KCTD16: variants seen among roughly 807,000 people sequenced by gnomAD.
KCTD16 encodes the protein potassium channel tetramerization domain containing 16, also known as BTB/POZ domain-containing protein KCTD16.
A neutral mutation model predicts 33.2 loss-of-function variants in KCTD16; 13 were observed. The observed-to-expected ratio is 0.39, with a 90% CI of 0.25 to 0.62. The LOEUF (loss-of-function observed/expected upper bound fraction) is 0.62. Among genes scored for constraint, KCTD16 ranks in the 20% least tolerant of loss-of-function variants. The probability of loss-of-function intolerance (pLI) is 0.50; values close to 1 mark genes in which losing one functional copy is unlikely to be tolerated. For missense variants in KCTD16, 441 were observed against 525.1 expected (o/e 0.84, Z 1.57); for synonymous variants, 197 against 195.3 (o/e 1.01, Z -0.07).
intron 3 of KCTD16, among the ~76,000 whole-genome samples, chr5:144,390,549 T>C (rs1291342996): frequency 6.6e-6 from 1 of 152,150 alleles, no homozygotes; most frequent in Non-Finnish European, 1.5e-5. Context: ...TTATTATCCT[T>C]TAAGTTCTGG....
chr5:144,348,957 G>T (rs1489044583), intron 3 of KCTD16, among the ~76,000 whole-genome samples: 2 of 152,090 alleles, frequency 1.3e-5, no homozygotes, highest in South Asian at 2.1e-4. Context: ...AAGAAATCCT[G>T]TGGGAAAGGC....
chr5:144,449,858 T>C (rs565276190), intron 3 of KCTD16, among the ~76,000 whole-genome samples: 17 of 152,068 alleles, frequency 1.1e-4, no homozygotes, highest in Non-Finnish European at 2.2e-4. Flanking sequence ...TAAGGAGATA[T>C]AGGGGAAAAG....
chr5:144,295,305 C>G (rs1246374374), intron 3 of KCTD16, among the ~76,000 whole-genome samples: 1 of 152,140 alleles, frequency 6.6e-6, no homozygotes, highest in Non-Finnish European at 1.5e-5. Context: ...ATATGTAAAG[C>G]TCTTGTCTTA....
chr5:144,223,386 A>G (rs1753825468), intron 3 of KCTD16, among the ~76,000 whole-genome samples: 2 of 152,210 alleles, frequency 1.3e-5, no homozygotes, highest in South Asian at 2.1e-4. Flanking sequence ...AAACACAGAT[A>G]TGTAGCTAAT....
intron 3 of KCTD16, among the ~76,000 whole-genome samples, chr5:144,451,765 C>A (rs1753947721): frequency 6.6e-6 from 1 of 152,122 alleles, no homozygotes; most frequent in Admixed American, 6.6e-5. Context: ...GTACTTGGAA[C>A]ATGAATGCAT....
intron 3 of KCTD16, among the ~76,000 whole-genome samples, chr5:144,225,658 T>G (rs1753910440): frequency 6.6e-6 from 1 of 151,808 alleles, no homozygotes; most frequent in Non-Finnish European, 1.5e-5. Context: ...AAGACTAATA[T>G]GAGTGAAGTA....
At chr5:144,351,636 A>G (rs1395605012) in intron 3 of KCTD16, among the ~76,000 whole-genome samples, 1 of 152,208 alleles carries the variant, frequency 6.6e-6, no homozygotes, top group African/African-American at 2.4e-5. Context: ...ACAATAGCCA[A>G]CATATAAAAC....
Position 144,482,745 on chromosome 5 carries a change from A to C in KCTD16, c.*8631A>C, listed in dbSNP as rs1368165937. 1 of 151,730 alleles carries C rather than the reference A, an allele frequency of 6.6e-6. No homozygotes were observed. Among genetic ancestry groups the C allele is most frequent in the Non-Finnish European group, 1.5e-5 (1 of 67,842 alleles). The allele number at this position is 151,730 out of a possible 1,614,324, so 9.4% of individuals were successfully genotyped here. On this transcript the variant is annotated 3_prime_UTR_variant, in exon 4 of 4. Coordinates refer to ENST00000512467, the MANE Select transcript of KCTD16 (RefSeq NM_020768.4). ...ATGTGTGTTTTGTGTTTATGTATAA[A>C]ATTATGTATATATATGTACATATGT...
At chr5:144,324,532 C>T (rs1752153169) in intron 3 of KCTD16, among the ~76,000 whole-genome samples, 1 of 152,248 alleles carries the variant, frequency 6.6e-6, no homozygotes, top group Non-Finnish European at 1.5e-5. Context: ...CCTCAAAGAC[C>T]TAGAACCAGA....
chr5:144,291,877 A>C (rs1291256495), intron 3 of KCTD16, among the ~76,000 whole-genome samples: 2 of 152,216 alleles, frequency 1.3e-5, no homozygotes, highest in Non-Finnish European at 2.9e-5. Context: ...ATAAATGACA[A>C]ATATTTGCGC....
intron 3 of KCTD16, among the ~76,000 whole-genome samples, chr5:144,452,703 C>T (rs1753972656): frequency 1.3e-5 from 2 of 151,420 alleles, no homozygotes; most frequent in South Asian, 4.2e-4. Context: ...AAATCAGCTG[C>T]CAAATCTGGA....
intron 3 of KCTD16, among the ~76,000 whole-genome samples, chr5:144,261,167 CA>C (rs1299878040): frequency 0.28 from 22,178 of 78,172 alleles, 1,539 homozygotes; most frequent in Non-Finnish European, 0.35. Context: ...GGAACAACAA[CA>C]AAAAAAAAAA....
At chr5:144,471,161 C>T (rs1258285227) in intron 3 of KCTD16, among the ~76,000 whole-genome samples, 4 of 152,052 alleles carry the variant, frequency 2.6e-5, no homozygotes, top group South Asian at 4.1e-4. Flanking sequence ...CCAGCCTGGG[C>T]GATAGAGCAA....
chr5:144,350,241 C>G (rs1003497659), intron 3 of KCTD16, among the ~76,000 whole-genome samples: 12 of 152,126 alleles, frequency 7.9e-5, no homozygotes, highest in African/African-American at 2.9e-4. Context: ...CATGGTAATG[C>G]CTGTTTTTAG....
intron 3 of KCTD16, among the ~76,000 whole-genome samples, chr5:144,354,726 A>G (rs1377754567): frequency 1.3e-5 from 2 of 152,202 alleles, no homozygotes; most frequent in African/African-American, 4.8e-5. Context: ...GCATGTGTTC[A>G]GTCTATCTAT....
At chr5:144,292,340 T>G (rs1170316604) in intron 3 of KCTD16, among the ~76,000 whole-genome samples, 1 of 152,138 alleles carries the variant, frequency 6.6e-6, no homozygotes, top group Non-Finnish European at 1.5e-5. Flanking sequence ...GTGAAGTCAT[T>G]TTTGTAGTGA....
intron 1 of KCTD16, among the ~76,000 whole-genome samples, chr5:144,172,805 C>T (rs1033503214): frequency 6.6e-6 from 1 of 152,064 alleles, no homozygotes; most frequent in East Asian, 1.9e-4. Context: ...AGCTGTGTTT[C>T]GAGTCATCAA....
chr5:144,270,787 T>G (rs1360584200), intron 3 of KCTD16, among the ~76,000 whole-genome samples: 2 of 151,636 alleles, frequency 1.3e-5, no homozygotes, highest in Non-Finnish European at 3.0e-5. Flanking sequence ...CTAAGTGTAT[T>G]AAGAAAAAAA....
chr5:144,229,316 A>G (rs1754028991), intron 3 of KCTD16, among the ~76,000 whole-genome samples: 1 of 152,182 alleles, frequency 6.6e-6, no homozygotes, highest in Non-Finnish European at 1.5e-5. Context: ...CAATGGATTG[A>G]AGATCTCTCT....
Sources: allele counts gnomAD v4.1 joint callset (sites outside exome capture counted in the v4.1 genomes callset), GRCh38; gene constraint gnomAD v4.1.1; transcripts MANE v1.5; gene names NCBI Gene and HGNC (gene_info 2026-07-23, HGNC 2026-07-21).